AMN1: variants seen among roughly 807,000 people sequenced by gnomAD.
AMN1 encodes the protein protein AMN1 homolog.
Under a neutral mutation model 33.0 loss-of-function variants are expected in AMN1, and 20 were observed. That is an observed-to-expected ratio of 0.61 (90% CI 0.43 to 0.88). The LOEUF (loss-of-function observed/expected upper bound fraction) is 0.88. Among genes scored for constraint, AMN1 ranks in the 40% least tolerant of loss-of-function variants. The pLI, the probability that AMN1 is intolerant of heterozygous loss-of-function variation, is 0.00. For missense variants in AMN1, 246 were observed against 307.4 expected (o/e 0.80, Z 1.49); for synonymous variants, 114 against 111.9 (o/e 1.02, Z -0.12).
chr12:31,701,763 CT>C, intron 3 of AMN1, 99 bp downstream of exon 3: 1 of 982,808 alleles, frequency 1.0e-6, no homozygotes. Flanking sequence ...ATTTCTCTGA[CT>C]TCTTCATACT....
chr12:31,691,328 AAAC>A, intron 5 of AMN1, among the ~76,000 whole-genome samples: 1 of 152,208 alleles, frequency 6.6e-6, no homozygotes, highest in East Asian at 1.9e-4. Flanking sequence ...AGAAAAGCCA[AAAC>A]AATGACAAAG....
intron 3 of AMN1, among the ~76,000 whole-genome samples, chr12:31,698,665 G>A (rs1938843853): frequency 6.6e-6 from 1 of 152,136 alleles, no homozygotes; most frequent in Non-Finnish European, 1.5e-5. Flanking sequence ...TACCTTTATG[G>A]GCAAAATACA....
chr12:31,708,093 A>G lies in AMN1; in HGVS notation c.171+1200T>C, dbSNP rs149046827. 8.3e-3 allele frequency among the ~76,000 whole-genome samples: 1,265 copies of G among 152,278 alleles called. 17 individuals are homozygous for G. Among genetic ancestry groups the G allele is most frequent in the African/African-American group, 0.029 (1,193 of 41,518 alleles). ...GCACCTTGAAAAAGAACAGAATAAC[A>G]GCAATTTTAGCGAACAAGGGAAGAC... On this transcript the variant is annotated intron_variant, in intron 2 of 6. Coordinates refer to ENST00000281471, the MANE Select transcript of AMN1 (RefSeq NM_001113402.2).
intron 6 of AMN1, among the ~76,000 whole-genome samples, chr12:31,675,500 C>CTTTT (rs766169147): frequency 7.0e-6 from 1 of 143,432 alleles, no homozygotes; most frequent in African/African-American, 2.6e-5. Context: ...GATATCCACA[C>CTTTT]TTTTTTTTTT....
At chr12:31,695,689 G>T (rs1938694232) in intron 5 of AMN1, among the ~76,000 whole-genome samples, 1 of 151,538 alleles carries the variant, frequency 6.6e-6, no homozygotes, top group South Asian at 2.1e-4. Flanking sequence ...GTTTCTCCAT[G>T]TTGGCCAGGC....
intron 6 of AMN1, among the ~76,000 whole-genome samples, chr12:31,674,774 T>G (rs1266843191): frequency 6.6e-6 from 1 of 151,704 alleles, no homozygotes; most frequent in African/African-American, 2.4e-5. Context: ...ATTCCAGCAC[T>G]TTGGGAGGCT....
intron 5 of AMN1, among the ~76,000 whole-genome samples, chr12:31,692,488 T>G (rs1177145389): frequency 1.3e-5 from 2 of 151,502 alleles, no homozygotes; most frequent in Non-Finnish European, 2.9e-5. Context: ...CATATTAAAT[T>G]AAGGCATTAA....
chr12:31,729,058 A>AGCCAGGGACCGTCC (rs1159649145), upstream of AMN1: 39 of 1,471,916 alleles, frequency 2.6e-5, no homozygotes, highest in Non-Finnish European at 3.4e-5. Flanking sequence ...TCCAGAACCC[A>AGCCAGGGACCGTCC]GCCAGGGACC....
At chr12:31,710,392 G>T (rs1431491550) in intron 1 of AMN1, among the ~76,000 whole-genome samples, 1 of 152,108 alleles carries the variant, frequency 6.6e-6, no homozygotes, top group Admixed American at 6.5e-5. Context: ...ATTCATGAGT[G>T]AATGTGATCA....
chr12:31,687,368 T>C lies in AMN1; in HGVS notation c.703+1639A>G, dbSNP rs544480370. Among the ~76,000 whole-genome samples the C allele has an allele frequency of 6.6e-6, 1 of 152,298 alleles. No homozygotes were observed. Among genetic ancestry groups the C allele is most frequent in the East Asian group, 1.9e-4 (1 of 5,182 alleles). On this transcript the variant is annotated intron_variant, in intron 6 of 6. Transcript: ENST00000281471. This position sits in a 1 kb window ranked among gnomAD's most constrained non-coding sequence, Gnocchi z 4.1. The stretch of plus-strand genomic sequence containing the variant: ...TAAAAGAGAAGTTGTCAAAGGGACT[T>C]CCAGGATAATAGCTTAACCTACAGA...
intron 5 of AMN1, among the ~76,000 whole-genome samples, chr12:31,696,205 C>T (rs759748947): frequency 1.4e-5 from 2 of 145,738 alleles, no homozygotes; most frequent in Non-Finnish European, 1.6e-5. Flanking sequence ...CCACTGCACT[C>T]CAGCCTGGGC....
intron 1 of AMN1, among the ~76,000 whole-genome samples, chr12:31,710,066 A>G (rs7969600): frequency 0.021 from 3,229 of 152,326 alleles, 50 homozygotes; most frequent in Middle Eastern, 0.048. Flanking sequence ...CACTAATTGA[A>G]AAGTTTTATC....
chr12:31,682,866 C>A (rs1171499631), intron 6 of AMN1, among the ~76,000 whole-genome samples: 1 of 152,044 alleles, frequency 6.6e-6, no homozygotes, highest in African/African-American at 2.4e-5. Context: ...TATTTTTATT[C>A]CAAATATTTT....
chr12:31,682,303 C>T (rs1019752778), intron 6 of AMN1, among the ~76,000 whole-genome samples: 31 of 152,068 alleles, frequency 2.0e-4, no homozygotes, highest in African/African-American at 7.2e-4. Context: ...AAGATGTGAC[C>T]ACAAGGTGGC....
chr12:31,716,366 G>GTATA (rs1484241380), intron 1 of AMN1, among the ~76,000 whole-genome samples: 1 of 152,086 alleles, frequency 6.6e-6, no homozygotes, highest in Non-Finnish European at 1.5e-5. Context: ...TCAACTGAGT[G>GTATA]TATATATCTA....
intron 6 of AMN1, among the ~76,000 whole-genome samples, chr12:31,685,220 G>T (rs1323122666): frequency 6.6e-6 from 1 of 151,576 alleles, no homozygotes; most frequent in Non-Finnish European, 1.5e-5. Flanking sequence ...GTAGACACAG[G>T]GTTTCACCAT....
chr12:31,679,008 G>A (rs907061652), intron 6 of AMN1, among the ~76,000 whole-genome samples: 10 of 151,986 alleles, frequency 6.6e-5, no homozygotes, highest in Admixed American at 5.9e-4. Context: ...AAACCACTTG[G>A]GTCTTAAAAT....
intron 6 of AMN1, among the ~76,000 whole-genome samples, chr12:31,673,371 T>C (rs768377594): frequency 8.6e-5 from 13 of 151,914 alleles, no homozygotes; most frequent in Non-Finnish European, 1.6e-4. Flanking sequence ...AGAGAGTGTA[T>C]AGAAATGAAA....
At chr12:31,688,958 A>G in intron 6 of AMN1, 49 bp downstream of exon 6, 2 of 1,239,792 alleles carry the variant, frequency 1.6e-6, no homozygotes, top group Non-Finnish European at 2.3e-6. Context: ...AAGGTCACAC[A>G]GTAAAAGATG....
Sources: gnomAD v4.1 joint callset for allele counts (sites outside exome capture counted in the v4.1 genomes callset) on GRCh38, gnomAD v4.1.1 for gene constraint, Gnocchi (gnomAD v3.1) non-coding constraint, MANE v1.5 for transcripts, NCBI Gene and HGNC (gene_info 2026-07-23, HGNC 2026-07-21) for gene names.